GRID1: variants seen among roughly 807,000 people sequenced by gnomAD.
GRID1 encodes glutamate receptor ionotropic, delta-1.
Under a neutral mutation model 98.0 loss-of-function variants are expected in GRID1, and 28 were observed. The observed-to-expected ratio is 0.29, with a 90% CI of 0.21 to 0.39. The LOEUF (loss-of-function observed/expected upper bound fraction) is 0.39. GRID1 is among the 10% of genes least tolerant of loss of function. The pLI, the probability that GRID1 is intolerant of heterozygous loss-of-function variation, is 1.00. For synonymous variants in GRID1, 553 were observed against 538.5 expected (o/e 1.03, Z -0.37); for missense variants, 1,111 against 1,340.5 (o/e 0.83, Z 2.67).
chr10:85,893,335 CCGCTACTATTACTTCTACT>C (rs1841232934), intron 5 of GRID1, among the ~76,000 whole-genome samples: 1 of 152,116 alleles, frequency 6.6e-6, no homozygotes, highest in Non-Finnish European at 1.5e-5. Context: ...GCATAGATAT[CCGCTACTATTACTTCTACT>C]CAACATTGTG....
At chr10:85,680,051 C>G (rs1841190068) in intron 12 of GRID1, among the ~76,000 whole-genome samples, 1 of 152,154 alleles carries the variant, frequency 6.6e-6, no homozygotes, top group Non-Finnish European at 1.5e-5. Context: ...ACAACCTGCT[C>G]CTGCTTTTGA....
intron 3 of GRID1, among the ~76,000 whole-genome samples, chr10:86,178,848 G>A (rs1470897220): frequency 6.6e-6 from 1 of 152,264 alleles, no homozygotes; most frequent in Non-Finnish European, 1.5e-5. Flanking sequence ...GTCCAGGGAA[G>A]CCTTAGAGTG....
intron 4 of GRID1, among the ~76,000 whole-genome samples, chr10:86,023,622 C>T (rs1041753862): frequency 9.2e-5 from 14 of 152,134 alleles, no homozygotes; most frequent in Admixed American, 3.3e-4. Context: ...ACCGCACCAA[C>T]ACTACACACC....
Position 85,769,705 on chromosome 10 carries a change from C to G in GRID1, c.1234-40091G>C, listed in dbSNP as rs200877249. The stretch of plus-strand genomic sequence containing the variant: ...CCTGGCTCGGAGGGTCCTACACCCA[C>G]GGAGTCTCGCTGATTGCTAACAAAG... On this transcript the variant is annotated intron_variant, in intron 8 of 15. Coordinates refer to ENST00000327946, the MANE Select transcript of GRID1 (RefSeq NM_017551.3). Among the ~76,000 whole-genome samples, 63 of 152,318 alleles carry G rather than the reference C, an allele frequency of 4.1e-4. 1 individual carries two copies. The East Asian group carries it at 7.5e-3, about 18-fold the overall frequency.
chr10:86,099,788 A>G (rs1412547428), intron 4 of GRID1, among the ~76,000 whole-genome samples: 1 of 152,148 alleles, frequency 6.6e-6, no homozygotes, highest in African/African-American at 2.4e-5. Context: ...CAGAGTCTGC[A>G]GACAGCAGCT....
chr10:86,124,531 T>C (rs146246898), intron 4 of GRID1, among the ~76,000 whole-genome samples: 370 of 152,326 alleles, frequency 2.4e-3, no homozygotes, highest in African/African-American at 8.6e-3. Context: ...ACCACTGCTC[T>C]ACAGTGGTGC....
At chr10:86,226,752 C>A (rs1055629746) in intron 2 of GRID1, among the ~76,000 whole-genome samples, 3 of 150,328 alleles carry the variant, frequency 2.0e-5, no homozygotes, top group Non-Finnish European at 4.4e-5. Flanking sequence ...CCCACTCCCT[C>A]CAGAAGCAGC....
At chr10:86,038,510 A>G (rs181789879) in intron 4 of GRID1, among the ~76,000 whole-genome samples, 69 of 152,330 alleles carry the variant, frequency 4.5e-4, no homozygotes, top group African/African-American at 1.6e-3. Flanking sequence ...CAGAGCTGCC[A>G]TGTTTGCTCA....
intron 12 of GRID1, among the ~76,000 whole-genome samples, chr10:85,679,463 T>A (rs955356852): frequency 2.0e-5 from 3 of 152,188 alleles, no homozygotes; most frequent in African/African-American, 7.2e-5. Context: ...CAGGAGCACA[T>A]TTCCAGCTGT....
rs1015806991 is a variant in GRID1, at chr10:85,970,507, G to A, written c.727-54268C>T. Among the ~76,000 whole-genome samples the A allele has an allele frequency of 7.2e-5, 11 of 152,028 alleles. No homozygotes were observed. In the East Asian group the frequency reaches 2.1e-3, roughly 29 times the overall value. On this transcript the variant is annotated intron_variant, in intron 4 of 15. Transcript: ENST00000327946. ...GATTTATCCTAGGAATGCAGGATTT[G>A]TTTAACATCTGAAAACCAATCAATG...
chr10:86,295,264 T>C (rs1361722410), intron 2 of GRID1, among the ~76,000 whole-genome samples: 3 of 152,066 alleles, frequency 2.0e-5, no homozygotes, highest in African/African-American at 4.8e-5. Context: ...TATGAGCAGA[T>C]GGAAATAATC....
intron 6 of GRID1, among the ~76,000 whole-genome samples, chr10:85,863,057 C>T (rs1221396417): frequency 1.3e-5 from 2 of 152,290 alleles, no homozygotes; most frequent in East Asian, 1.9e-4. Flanking sequence ...CGTACAACAC[C>T]GGCTCTGGGC....
At chr10:86,238,414 C>A (rs1846574072) in intron 2 of GRID1, among the ~76,000 whole-genome samples, 1 of 152,186 alleles carries the variant, frequency 6.6e-6, no homozygotes, top group African/African-American at 2.4e-5. Flanking sequence ...GTAATCTCAG[C>A]ACTTTGGGAG....
At chr10:86,345,355 G>C (rs1486068999) in intron 2 of GRID1, among the ~76,000 whole-genome samples, 1 of 152,178 alleles carries the variant, frequency 6.6e-6, no homozygotes. Context: ...GGGTCTATCA[G>C]ACCTACCACC....
At chr10:85,794,613 G>T (rs957042893) in intron 8 of GRID1, among the ~76,000 whole-genome samples, 1 of 152,214 alleles carries the variant, frequency 6.6e-6, no homozygotes, top group South Asian at 2.1e-4. Context: ...TCTACTAAAA[G>T]TGTTGTTTCT....
At chr10:86,334,967 G>T (rs1284326612) in intron 2 of GRID1, among the ~76,000 whole-genome samples, 1 of 152,270 alleles carries the variant, frequency 6.6e-6, no homozygotes. Context: ...GGAGCCATTT[G>T]CTGCTGCATG....
At chr10:85,758,494 T>C (rs1481687259) in intron 8 of GRID1, among the ~76,000 whole-genome samples, 1 of 152,138 alleles carries the variant, frequency 6.6e-6, no homozygotes, top group Non-Finnish European at 1.5e-5. Context: ...CTTCTCCTCA[T>C]TGTTGAGCCT....
At chr10:85,999,074 G>T (rs147326957) in intron 4 of GRID1, among the ~76,000 whole-genome samples, 1 of 152,108 alleles carries the variant, frequency 6.6e-6, no homozygotes, top group Non-Finnish European at 1.5e-5. Context: ...CTAGCTGGAT[G>T]TGGTGGTGCA....
rs75751357 is a variant in GRID1, at chr10:85,654,044, A to C, written c.1998-6647T>G. On this transcript the variant is annotated intron_variant, in intron 12 of 15. Coordinates refer to ENST00000327946, the MANE Select transcript of GRID1 (RefSeq NM_017551.3). ...TGAGTAGTGAGCAGAGGGACTGCAG[A>C]TCCAAACACTGTATGAGGACACTTA... Among the ~76,000 whole-genome samples, 657 of 152,332 alleles carry C rather than the reference A, an allele frequency of 4.3e-3. 5 individuals carry two copies. The highest frequency in any genetic ancestry group is 0.014 in the African/African-American group (581 of 41,560).
Sources: gnomAD v4.1 joint callset for allele counts (sites outside exome capture counted in the v4.1 genomes callset) on GRCh38, gnomAD v4.1.1 for gene constraint, MANE v1.5 for transcripts, NCBI Gene and HGNC (gene_info 2026-07-23, HGNC 2026-07-21) for gene names.